Variants in KCTD16 observed in about 807,000 individuals in gnomAD.
The protein encoded by KCTD16 is BTB/POZ domain-containing protein KCTD16.
KCTD16 carries 13 observed loss-of-function variants against 33.2 expected under a neutral mutation model. The observed-to-expected ratio is 0.39, with a 90% confidence interval of 0.25 to 0.62. The LOEUF (loss-of-function observed/expected upper bound fraction) is 0.62, where lower values mean the gene tolerates loss of function less well. KCTD16 is among the 20% of genes least tolerant of loss of function. KCTD16 has a pLI of 0.50. For missense variants in KCTD16, 441 were observed against 525.1 expected (o/e 0.84, Z 1.57); for synonymous variants, 197 against 195.3 (o/e 1.01, Z -0.07).
intron 3 of KCTD16, among the ~76,000 whole-genome samples, chr5:144,344,408 T>G (rs1296611997): frequency 1.4e-5 from 2 of 142,378 alleles, no homozygotes; most frequent in African/African-American, 2.8e-5. Flanking sequence ...ACCATCAGAG[T>G]GAACAGGCAA....
chr5:144,271,760 TACACACAC>T (rs3077273), intron 3 of KCTD16, among the ~76,000 whole-genome samples: 24 of 146,082 alleles, frequency 1.6e-4, no homozygotes, highest in South Asian at 4.4e-4. Flanking sequence ...GACTAAAAAC[TACACACAC>T]ACACACACAC....
At chr5:144,348,006 G>C (rs1245595578) in intron 3 of KCTD16, among the ~76,000 whole-genome samples, 2 of 152,294 alleles carry the variant, frequency 1.3e-5, no homozygotes, top group East Asian at 3.9e-4. Flanking sequence ...CACAGTAGCT[G>C]TTTGCTGCCT....
chr5:144,432,236 A>G (rs1473818200), intron 3 of KCTD16, among the ~76,000 whole-genome samples: 1 of 152,122 alleles, frequency 6.6e-6, no homozygotes, highest in African/African-American at 2.4e-5. Flanking sequence ...TTTCAAATTA[A>G]TCACTAGAAG....
chr5:144,377,243 C>G (rs1051357687), intron 3 of KCTD16, among the ~76,000 whole-genome samples: 1 of 152,078 alleles, frequency 6.6e-6, no homozygotes, highest in African/African-American at 2.4e-5. Flanking sequence ...ATAACATTTT[C>G]AAATACATAT....
intron 2 of KCTD16, among the ~76,000 whole-genome samples, chr5:144,204,133 A>G (rs1753106537): frequency 6.6e-6 from 1 of 152,230 alleles, no homozygotes. Context: ...GTAGAAACTA[A>G]TTTATCCTAC....
intron 3 of KCTD16, among the ~76,000 whole-genome samples, chr5:144,368,803 C>T (rs1274825000): frequency 6.6e-6 from 1 of 152,078 alleles, no homozygotes; most frequent in Admixed American, 6.6e-5. Flanking sequence ...ACAGTCATTC[C>T]ACTGTAATCA....
intron 2 of KCTD16, among the ~76,000 whole-genome samples, chr5:144,196,470 T>A (rs1752941517): frequency 6.6e-6 from 1 of 152,208 alleles, no homozygotes; most frequent in Non-Finnish European, 1.5e-5. Context: ...TCTCCATCCC[T>A]AGCCCTTTCA....
At chr5:144,298,058 A>T (rs1403390638) in intron 3 of KCTD16, among the ~76,000 whole-genome samples, 4 of 152,188 alleles carry the variant, frequency 2.6e-5, no homozygotes. Context: ...CGATTGGGCT[A>T]AAGGCTTGCC....
chr5:144,468,325 CT>C (rs1754393834), intron 3 of KCTD16, among the ~76,000 whole-genome samples: 1 of 152,182 alleles, frequency 6.6e-6, no homozygotes, highest in Non-Finnish European at 1.5e-5. Context: ...CTAACCAATA[CT>C]TACGTTAAAT....
At chr5:144,285,371 C>G (rs1755716288) in intron 3 of KCTD16, among the ~76,000 whole-genome samples, 1 of 152,208 alleles carries the variant, frequency 6.6e-6, no homozygotes, top group Admixed American at 6.5e-5. Flanking sequence ...CTGAAAGCAT[C>G]TCAGAATGAA....
chr5:144,242,554 A>G (rs1045767395), intron 3 of KCTD16, among the ~76,000 whole-genome samples: 1 of 152,190 alleles, frequency 6.6e-6, no homozygotes, highest in Admixed American at 6.5e-5. Flanking sequence ...TTATTGTCTT[A>G]GTCCATTTTG....
At chr5:144,387,242 G>A (rs1176335959) in intron 3 of KCTD16, among the ~76,000 whole-genome samples, 1 of 145,186 alleles carries the variant, frequency 6.9e-6, no homozygotes, top group Non-Finnish European at 1.5e-5. Context: ...CTCCCAAAAT[G>A]TTGGGATTAC....
At chr5:144,345,805 G>T (rs991324116) in intron 3 of KCTD16, among the ~76,000 whole-genome samples, 1 of 152,038 alleles carries the variant, frequency 6.6e-6, no homozygotes, top group Non-Finnish European at 1.5e-5. Context: ...TACATCATGG[G>T]GAATAGGGTA....
intron 3 of KCTD16, among the ~76,000 whole-genome samples, chr5:144,265,110 AT>A (rs920352015): frequency 1.1e-4 from 16 of 152,346 alleles, no homozygotes; most frequent in African/African-American, 3.6e-4. Context: ...GTAAAAGGAA[AT>A]TGTTCCATTA....
intron 3 of KCTD16, chr5:144,377,768 G>C (rs1451904249): frequency 6.6e-6 from 1 of 152,182 alleles, no homozygotes; most frequent in Non-Finnish European, 1.5e-5. Flanking sequence ...AGACCCAGGA[G>C]TGACTAGGGA....
At chr5:144,276,132 T>G (rs1190589111) in intron 3 of KCTD16, among the ~76,000 whole-genome samples, 1 of 152,222 alleles carries the variant, frequency 6.6e-6, no homozygotes. Flanking sequence ...AACCCTTCTC[T>G]TCTCCCCAAA....
intron 3 of KCTD16, among the ~76,000 whole-genome samples, chr5:144,307,659 A>C (rs1353173321): frequency 6.6e-6 from 1 of 152,244 alleles, no homozygotes; most frequent in Admixed American, 6.5e-5. Context: ...CATGCTTCTC[A>C]TCACTAGTCT....
chr5:144,417,485 A>G (rs1753087344), intron 3 of KCTD16, among the ~76,000 whole-genome samples: 1 of 152,034 alleles, frequency 6.6e-6, no homozygotes, highest in South Asian at 2.1e-4. Context: ...TTGTTATTGT[A>G]TTTTGAGAGT....
intron 3 of KCTD16, among the ~76,000 whole-genome samples, chr5:144,230,449 C>A (rs970483607): frequency 9.9e-5 from 15 of 152,110 alleles, no homozygotes; most frequent in African/African-American, 3.6e-4. Flanking sequence ...AGGTGTGAAT[C>A]CTCAGCCTTA....
Sources: allele counts gnomAD v4.1 joint callset (sites outside exome capture counted in the v4.1 genomes callset), GRCh38; gene constraint gnomAD v4.1.1; transcripts MANE v1.5; gene names NCBI Gene and HGNC (gene_info 2026-07-23, HGNC 2026-07-21).